Variants in ARHGAP29 observed in about 807,000 individuals in gnomAD.
ARHGAP29 encodes the protein Rho GTPase activating protein 29.
In ARHGAP29, 43 loss-of-function variants were observed where a neutral mutation model predicts 122.6. That is an observed-to-expected ratio of 0.35 (90% CI 0.27 to 0.45). The LOEUF is 0.45. ARHGAP29 is among the 20% of genes least tolerant of loss of function. ARHGAP29 has a pLI of 1.00. For missense variants in ARHGAP29, 1,303 were observed against 1,477.2 expected, an observed-to-expected ratio of 0.88 and a Z score of 1.93; for synonymous variants, 506 against 497.1, an observed-to-expected ratio of 1.02 and a Z score of -0.24.
At chr1:94,219,394 T>C (rs1347528277) in intron 3 of ARHGAP29, among the ~76,000 whole-genome samples, 1 of 152,136 alleles carries the variant, frequency 6.6e-6, no homozygotes, top group Non-Finnish European at 1.5e-5. Context: ...GTCATCCTTT[T>C]CCATTACCTA....
chr1:94,251,171 A>AT (rs531839914), intron 1 of ARHGAP29, among the ~76,000 whole-genome samples: 3,958 of 134,176 alleles, frequency 0.029, 142 homozygotes, highest in African/African-American at 0.08. Context: ...TATCATACCC[A>AT]TTTTTTTTTT....
chr1:94,277,353 G>C (rs1655229118), upstream of ARHGAP29, among the ~76,000 whole-genome samples: 1 of 152,128 alleles, frequency 6.6e-6, no homozygotes. Flanking sequence ...CTGAAAGGCA[G>C]ATTTGTCATG....
chr1:94,214,844 T>C (rs1015786610), intron 3 of ARHGAP29, among the ~76,000 whole-genome samples: 1 of 152,206 alleles, frequency 6.6e-6, no homozygotes, highest in South Asian at 2.1e-4. Context: ...CAAATGTTTT[T>C]GACCACAACC....
Position 94,202,627 on chromosome 1 carries a change from G to T in ARHGAP29, c.1060C>A (p.Leu354Met). 6.2e-7 allele frequency: 1 copy of T among 1,614,172 alleles called. No homozygotes were observed. Among genetic ancestry groups the T allele is most frequent in the Non-Finnish European group, 8.5e-7 (1 of 1,180,022 alleles). Reference sequence around the variant, plus strand: ...TTTGCTAATCCGCCACTTGAAGACAGATGCTCCTCTTCTGCACGAAACATG... The same window carrying T: ...TTTGCTAATCCGCCACTTGAAGACATATGCTCCTCTTCTGCACGAAACATG... The part of the protein sequence containing the change: ...SSMFRAEEEH[L>M]SSSGGLAKNL... The change falls in exon 11 of 23, where the codon CTG becomes ATG. Residue 354 changes from leucine (L) to methionine (M), a missense_variant. Physicochemically the swap from Leu to Met is conservative, Grantham distance 15. Coordinates refer to ENST00000260526, the MANE Select transcript of ARHGAP29 (RefSeq NM_004815.4).
chr1:94,211,890 G>A (rs550262333), intron 3 of ARHGAP29, among the ~76,000 whole-genome samples: 2 of 152,116 alleles, frequency 1.3e-5, no homozygotes, highest in African/African-American at 4.8e-5. Context: ...ATCTCCTAAT[G>A]CTATCCCTCC....
the ARHGAP29 span, among the ~76,000 whole-genome samples, chr1:94,284,868 A>G: frequency 6.6e-6 from 1 of 152,186 alleles, no homozygotes; most frequent in African/African-American, 2.4e-5. Context: ...GCACTCCATA[A>G]ACATATGTTG....
At chr1:94,257,868 A>G (rs1045830671) in intron 1 of ARHGAP29, among the ~76,000 whole-genome samples, 1 of 152,190 alleles carries the variant, frequency 6.6e-6, no homozygotes, top group African/African-American at 2.4e-5. Context: ...TCTGTGCCCT[A>G]TTGGAAATCT....
Position 94,177,411 on chromosome 1 carries a change from A to G in ARHGAP29, c.2905+201T>C, listed in dbSNP as rs1014439927. 2.1e-5 allele frequency: 9 copies of G among 424,236 alleles called. No homozygotes were observed. In the Admixed American group the frequency reaches 2.4e-4, roughly 11 times the overall value. 26.3% of individuals were successfully genotyped at this position (424,236 alleles called of 1,614,324 possible). Reference sequence around the variant, plus strand: ...AAACTCCAAGATGTCTTATTATAAGAAAGACTTTTATGAAGAATGACATTC... The same window carrying G: ...AAACTCCAAGATGTCTTATTATAAGGAAGACTTTTATGAAGAATGACATTC... On this transcript the variant is annotated intron_variant, in intron 22 of 22. Transcript: ENST00000260526.
intron 1 of ARHGAP29, among the ~76,000 whole-genome samples, chr1:94,262,551 A>G (rs1654605248): frequency 6.6e-6 from 1 of 152,204 alleles, no homozygotes; most frequent in African/African-American, 2.4e-5. Context: ...AAGAAAATTT[A>G]TAGCAAAAAA....
upstream of ARHGAP29, among the ~76,000 whole-genome samples, chr1:94,278,714 C>T (rs1374829165): frequency 2.0e-5 from 3 of 152,120 alleles, no homozygotes; most frequent in Non-Finnish European, 2.9e-5. Flanking sequence ...ATTTATTAAA[C>T]GAAAGTCTCT....
intron 17 of ARHGAP29, 132 bp from the exon 18 acceptor site, chr1:94,185,192 A>G: frequency 8.3e-7 from 1 of 1,208,162 alleles, no homozygotes; most frequent in Non-Finnish European, 1.1e-6. Flanking sequence ...CAGATTTAAC[A>G]ACAAAATAAA....
At chr1:94,189,876 A>ATT in intron 13 of ARHGAP29, 50 bp downstream of exon 13, 1 of 1,570,096 alleles carries the variant, frequency 6.4e-7, no homozygotes. Context: ...AAACTTAACA[A>ATT]TTAAGTGTTT....
At chr1:94,195,756 ATG>A (rs1187799719) in intron 12 of ARHGAP29, 4 of 152,122 alleles carry the variant, frequency 2.6e-5, no homozygotes, top group Admixed American at 2.0e-4. Context: ...GCTCTCTATA[ATG>A]CTATATAAGA....
intron 1 of ARHGAP29, among the ~76,000 whole-genome samples, chr1:94,234,633 C>T (rs1487968399): frequency 1.3e-5 from 2 of 152,136 alleles, no homozygotes; most frequent in African/African-American, 4.8e-5. Context: ...ATGCATACAT[C>T]ATTTCTAAAA....
chr1:94,305,793 TAAG>T, the ARHGAP29 span, among the ~76,000 whole-genome samples: 108 of 152,244 alleles, frequency 7.1e-4, no homozygotes, highest in Non-Finnish European at 1.3e-3. Context: ...TGGTATGTGC[TAAG>T]AATACATTGA....
At chr1:94,196,247 CG>C (rs1650443814) in intron 12 of ARHGAP29, among the ~76,000 whole-genome samples, 1 of 139,004 alleles carries the variant, frequency 7.2e-6, no homozygotes. Context: ...TCGATTTTTC[CG>C]TGTTTTTCTT....
the ARHGAP29 span, among the ~76,000 whole-genome samples, chr1:94,292,184 C>G: frequency 6.6e-6 from 1 of 152,018 alleles, no homozygotes; most frequent in Non-Finnish European, 1.5e-5. Flanking sequence ...CTTGTCTTCT[C>G]TCTCTATTTC....
chr1:94,265,632 C>T (rs891846230), intron 1 of ARHGAP29, among the ~76,000 whole-genome samples: 5 of 152,182 alleles, frequency 3.3e-5, no homozygotes, highest in African/African-American at 1.2e-4. Context: ...TGTTCTTACC[C>T]AGTTCTATGT....
At chr1:94,297,542 C>T in the ARHGAP29 span, among the ~76,000 whole-genome samples, 3 of 152,138 alleles carry the variant, frequency 2.0e-5, no homozygotes, top group Non-Finnish European at 4.4e-5. Context: ...TACCCATTCC[C>T]CTTTCTTTTT....
Sources: gnomAD v4.1 joint callset for allele counts (sites outside exome capture counted in the v4.1 genomes callset) on GRCh38, gnomAD v4.1.1 for gene constraint, MANE v1.5 for transcripts, NCBI Gene and HGNC (gene_info 2026-07-23, HGNC 2026-07-21) for gene names.